KCNQ1: variants seen among roughly 807,000 people sequenced by gnomAD.
KCNQ1 encodes potassium voltage-gated channel subfamily KQT member 1.
In KCNQ1, 49 loss-of-function variants were observed where a neutral mutation model predicts 72.4. That is an observed-to-expected ratio of 0.68 (90% confidence interval 0.54 to 0.86). The LOEUF (loss-of-function observed/expected upper bound fraction) is 0.86, where lower values mean the gene tolerates loss of function less well. Ranked by LOEUF, KCNQ1 falls within the 40% of genes least tolerant of loss-of-function variation. The pLI, the probability that KCNQ1 is intolerant of heterozygous loss-of-function variation, is 0.00. For missense variants in KCNQ1, 790 were observed against 945.1 expected, an observed-to-expected ratio of 0.84 and a Z score of 2.15; for synonymous variants, 450 against 412.6, an observed-to-expected ratio of 1.09 and a Z score of -1.10.
In KCNQ1 at chr11:2,477,920, G is replaced by A. The variant is rs149032798; in HGVS notation, c.386+32436G>A. On this transcript the variant is annotated intron_variant, in intron 1 of 15. Transcript: ENST00000155840. This position sits in a 1 kb window ranked among gnomAD's most constrained non-coding sequence, Gnocchi z 5.0. ...GCTGGAAGGCCATCAAGGAAACCCC[G>A]TGGCAGGGGCAGGGGTTCAAAGAGC... Among the ~76,000 whole-genome samples, 12 of 152,278 alleles carry A rather than the reference G, an allele frequency of 7.9e-5. No homozygotes were observed. Among genetic ancestry groups the A allele is most frequent in the Middle Eastern group, 3.4e-3 (1 of 294 alleles).
chr11:2,727,392 A>T (rs1590055649), intron 11 of KCNQ1, among the ~76,000 whole-genome samples: 1 of 152,190 alleles, frequency 6.6e-6, no homozygotes, highest in East Asian at 1.9e-4. Flanking sequence ...GCACCCAAGG[A>T]TCATTCCTGT....
At position 2,624,741 on chromosome 11, in the gene KCNQ1, A is replaced by AC. The variant is rs548814967; in HGVS notation, c.1393+35894dup. Reference sequence around the variant, plus strand: ...ATATCCATTAAACAATAATTCCCCAACCCCCCCACCACCGCCATCTCTTGG... The same window carrying AC: ...ATATCCATTAAACAATAATTCCCCAACCCCCCCCACCACCGCCATCTCTTGG... On this transcript the variant is annotated intron_variant, in intron 10 of 15. Transcript: ENST00000155840. The surrounding 1 kb of genome is among the most constrained non-coding windows in gnomAD (Gnocchi z 4.9). The AC allele has an allele frequency of 6.2e-4, 246 of 397,696 alleles. 1 individual carries two copies. Among genetic ancestry groups the AC allele is most frequent in the African/African-American group, 3.8e-3 (182 of 48,454 alleles). The allele number at this position is 397,696 out of a possible 1,614,324, so 24.6% of individuals were successfully genotyped here.
In KCNQ1 at chr11:2,735,777, C is replaced by T. The variant is rs558457894; in HGVS notation, c.1515-33067C>T. On this transcript the variant is annotated intron_variant, in intron 11 of 15. Coordinates refer to ENST00000155840, the MANE Select transcript of KCNQ1 (RefSeq NM_000218.3). This position sits in a 1 kb window ranked among gnomAD's most constrained non-coding sequence, Gnocchi z 7.7. ...CGTGGCTTGTAGACATCACCTTCCC[C>T]GGTGTTCTCATGGGGCCATCCCTCT... Among the ~76,000 whole-genome samples the T allele has an allele frequency of 5.9e-5, 9 of 152,296 alleles. No homozygotes were observed. The South Asian group carries it at 1.5e-3, about 25-fold the overall frequency.
intron 11 of KCNQ1, among the ~76,000 whole-genome samples, chr11:2,751,792 C>T (rs1846230542): frequency 6.6e-6 from 1 of 152,262 alleles, no homozygotes; most frequent in Non-Finnish European, 1.5e-5. Flanking sequence ...TGTTCAGCCG[C>T]CCTGTCCCCT....
rs990420763 is a variant in KCNQ1, at chr11:2,710,198, A to G, written c.1514+48117A>G. On this transcript the variant is annotated intron_variant, in intron 11 of 15. Coordinates refer to ENST00000155840, the MANE Select transcript of KCNQ1 (RefSeq NM_000218.3). This position sits in a 1 kb window ranked among gnomAD's most constrained non-coding sequence, Gnocchi z 4.1. ...TAGCCATCTTAGTGGGTGTGAAGTG[A>G]TATCTCCTAGTGGTTTTGATTTGCA... Among the ~76,000 whole-genome samples, 8 of 152,106 alleles carry G rather than the reference A, an allele frequency of 5.3e-5. No individual in the cohort carries two copies. The highest frequency in any genetic ancestry group is 8.8e-5 in the Non-Finnish European group (6 of 68,030).
chr11:2,650,148 C>T (rs1356005258), intron 10 of KCNQ1: 2 of 398,148 alleles, frequency 5.0e-6, no homozygotes, highest in Non-Finnish European at 8.9e-6. Flanking sequence ...GGTTCTTTTT[C>T]ATATCTAACT....
In KCNQ1 at chr11:2,778,008, G is replaced by A. The variant is rs780676796; in HGVS notation, c.1765G>A (p.Gly589Ser). Residue 589 changes from glycine (G) to serine (S), a missense_variant, in exon 15 of 16, where the codon GGC becomes AGC. This residue lies in a region of KCNQ1 where 91 missense variants were observed against 139.1 expected (regional missense o/e 0.65). Coordinates refer to ENST00000155840, the MANE Select transcript of KCNQ1 (RefSeq NM_000218.3). Reference protein sequence around the residue: ...KSKDRGSNTIGARLNRVEDKV... With the variant: ...KSKDRGSNTISARLNRVEDKV... ...CAAGGATCGCGGCAGCAACACGATCGGCGCCCGCCTGAACCGAGTAGAAGA... is the reference window on the plus strand; with the variant it reads ...CAAGGATCGCGGCAGCAACACGATCAGCGCCCGCCTGAACCGAGTAGAAGA... 6.2e-6 allele frequency: 10 copies of A among 1,613,722 alleles called. 1 individual carries two copies. The South Asian group carries it at 6.6e-5, about 11-fold the overall frequency.
chr11:2,812,579 C>A (rs556106222), intron 15 of KCNQ1, among the ~76,000 whole-genome samples: 1 of 152,216 alleles, frequency 6.6e-6, no homozygotes, highest in African/African-American at 2.4e-5. Flanking sequence ...GGGCCAGCCC[C>A]GTCCCCAGGG....
intron 11 of KCNQ1, chr11:2,688,312 G>T (rs1282557092): frequency 1.3e-5 from 5 of 398,634 alleles, no homozygotes; most frequent in Non-Finnish European, 2.2e-5. Flanking sequence ...GAAAATCTAA[G>T]CACGTCACAC....
intron 1 of KCNQ1, among the ~76,000 whole-genome samples, chr11:2,453,463 A>C (rs1447850902): frequency 6.6e-6 from 1 of 152,240 alleles, no homozygotes; most frequent in East Asian, 1.9e-4. Flanking sequence ...TGTTTACTAC[A>C]GAAAGAGTTT....
chr11:2,448,049 G>T (rs1423777917), intron 1 of KCNQ1, among the ~76,000 whole-genome samples: 1 of 152,216 alleles, frequency 6.6e-6, no homozygotes, highest in Non-Finnish European at 1.5e-5. Flanking sequence ...GTTATCTGTG[G>T]TTGCTTGCGC....
At chr11:2,610,248 G>C (rs1218764340) in intron 10 of KCNQ1, 5 of 397,598 alleles carry the variant, frequency 1.3e-5, no homozygotes, top group Non-Finnish European at 2.2e-5. Flanking sequence ...ATTAATCCTG[G>C]TGAGATACAG....
chr11:2,733,816 T>TCACACA (rs1564875320), intron 11 of KCNQ1, among the ~76,000 whole-genome samples: 2 of 18,078 alleles, frequency 1.1e-4, no homozygotes, highest in African/African-American at 3.7e-4. Flanking sequence ...ACACACACAC[T>TCACACA]CTCTCACTCT....
At chr11:2,798,797 G>A (rs1269313249) in intron 15 of KCNQ1, among the ~76,000 whole-genome samples, 1 of 152,182 alleles carries the variant, frequency 6.6e-6, no homozygotes, top group Non-Finnish European at 1.5e-5. Flanking sequence ...AGAGAAAATT[G>A]TTTATAAATT....
intron 1 of KCNQ1, among the ~76,000 whole-genome samples, chr11:2,470,842 T>C (rs1846440077): frequency 6.6e-6 from 1 of 152,194 alleles, no homozygotes; most frequent in Non-Finnish European, 1.5e-5. Flanking sequence ...CGTTTTGACT[T>C]TGATGAAGTC....
chr11:2,731,127 C>T (rs540887339), intron 11 of KCNQ1, among the ~76,000 whole-genome samples: 5 of 152,330 alleles, frequency 3.3e-5, no homozygotes, highest in East Asian at 1.9e-4. Flanking sequence ...CCTCTGTTCA[C>T]GGCAGGGGCT....
At chr11:2,510,579 C>G (rs1271418644) in intron 1 of KCNQ1, among the ~76,000 whole-genome samples, 1 of 152,218 alleles carries the variant, frequency 6.6e-6, no homozygotes, top group Non-Finnish European at 1.5e-5. Flanking sequence ...GCACTCCAGT[C>G]TGGGTGTCAG....
In KCNQ1 at chr11:2,549,253, C is replaced by T. The variant is rs1847943516; in HGVS notation, c.477+21235C>T. Among the ~76,000 whole-genome samples, 1 of 152,188 alleles carries T rather than the reference C, an allele frequency of 6.6e-6. No individual in the cohort carries two copies. Among genetic ancestry groups the T allele is most frequent in the Non-Finnish European group, 1.5e-5 (1 of 68,020 alleles). ...CATCCAGCCAGTGCCACCAGGAGCC[C>T]ACTGGTGCCAGGATGCTGGGGTGGG... is the stretch of plus-strand genomic sequence containing the variant. On this transcript the variant is annotated intron_variant, in intron 2 of 15. Coordinates refer to ENST00000155840, the MANE Select transcript of KCNQ1 (RefSeq NM_000218.3). The surrounding 1 kb of genome is among the most constrained non-coding windows in gnomAD (Gnocchi z 6.2).
chr11:2,846,960 G>A (rs1254787701), intron 15 of KCNQ1, among the ~76,000 whole-genome samples: 3 of 152,238 alleles, frequency 2.0e-5, no homozygotes, highest in African/African-American at 7.2e-5. Context: ...GAAGGTGGAG[G>A]CCACATGGCT....
Sources: gnomAD v4.1 joint callset for allele counts (sites outside exome capture counted in the v4.1 genomes callset) on GRCh38, gnomAD v4.1.1 for gene constraint, gnomAD v4.1.1 regional missense constraint, Gnocchi (gnomAD v3.1) non-coding constraint, MANE v1.5 for transcripts, NCBI Gene and HGNC (gene_info 2026-07-23, HGNC 2026-07-21) for gene names.